SPTLC1: variants seen among roughly 807,000 people sequenced by gnomAD.
The protein encoded by SPTLC1 is serine palmitoyltransferase long chain base subunit 1, also known as serine palmitoyltransferase 1.
SPTLC1 carries 55 observed loss-of-function variants against 68.9 expected under a neutral mutation model. The ratio of observed to expected loss-of-function variants is 0.80; its 90% CI spans 0.64 to 1.00. The LOEUF (loss-of-function observed/expected upper bound fraction) is 1.00. Ranked by LOEUF, SPTLC1 falls within the 50% of genes least tolerant of loss-of-function variation. The probability of loss-of-function intolerance (pLI) is 0.00; values close to 1 mark genes in which losing one functional copy is unlikely to be tolerated. For synonymous variants in SPTLC1, 197 were observed against 201.6 expected (o/e 0.98, Z 0.19); for missense variants, 449 against 573.1 (o/e 0.78, Z 2.21).
At chr9:92,089,023 C>A (rs1042509526) in intron 3 of SPTLC1, among the ~76,000 whole-genome samples, 2 of 152,200 alleles carry the variant, frequency 1.3e-5, no homozygotes. Context: ...ACAAGACATG[C>A]AGAAGGGCCA....
chr9:92,066,503 G>A (rs567871176), intron 6 of SPTLC1, among the ~76,000 whole-genome samples: 1 of 152,228 alleles, frequency 6.6e-6, no homozygotes, highest in East Asian at 1.9e-4. Context: ...TGGGCCCCAA[G>A]GTGAGAGGAC....
chr9:92,115,209 G>A lies in SPTLC1; in HGVS notation c.57+105C>T. On this transcript the variant is annotated intron_variant, in intron 1 of 14. Transcript: ENST00000262554. ...AGCAAGAGGCACCGAGTCTGGGCGT[G>A]ACCGAGCCAGTCCCGCCGAGGTCTC... 9 of 1,162,186 alleles carry A rather than the reference G, an allele frequency of 7.7e-6. No individual in the cohort carries two copies. In the South Asian group the frequency reaches 9.8e-5, roughly 13 times the overall value. The allele number at this position is 1,162,186 out of a possible 1,614,324, so 72.0% of individuals were successfully genotyped here.
chr9:92,101,419 G>A (rs181516534), intron 3 of SPTLC1, among the ~76,000 whole-genome samples: 74 of 151,288 alleles, frequency 4.9e-4, no homozygotes, highest in Middle Eastern at 3.4e-3. Flanking sequence ...ACAATTAGCC[G>A]GGCGTGGTGG....
At chr9:92,069,425 A>G (rs1016652700) in intron 5 of SPTLC1, among the ~76,000 whole-genome samples, 14 of 152,202 alleles carry the variant, frequency 9.2e-5, no homozygotes, top group African/African-American at 3.4e-4. Context: ...ACCAACATTA[A>G]ATAAACGTAG....
rs1021428774 is a variant in SPTLC1, at chr9:92,108,978, A to T, written c.166-144T>A. ...CACTCTTATTCAAGCTTATGTCTTC[A>T]CACTATTAGTACGTCTTTGTTCGCA... On this transcript the variant is annotated intron_variant, in intron 2 of 14. Coordinates refer to ENST00000262554, the MANE Select transcript of SPTLC1 (RefSeq NM_006415.4). The T allele has an allele frequency of 5.5e-6, 7 of 1,283,464 alleles. No homozygotes were observed. In the African/African-American group the frequency reaches 1.0e-4, roughly 19 times the overall value. The allele number at this position is 1,283,464 out of a possible 1,614,324, so 79.5% of individuals were successfully genotyped here. A position where few individuals can be genotyped will look rare whatever the true frequency, so the allele number is the denominator to read the frequency against.
intron 3 of SPTLC1, among the ~76,000 whole-genome samples, chr9:92,087,031 G>C (rs1320958314): frequency 2.6e-5 from 4 of 151,766 alleles, no homozygotes; most frequent in Non-Finnish European, 4.4e-5. Context: ...CCAGTTGATC[G>C]CATCAGCTCC....
At chr9:92,066,452 A>T (rs938516519) in intron 6 of SPTLC1, among the ~76,000 whole-genome samples, 3 of 152,280 alleles carry the variant, frequency 2.0e-5, no homozygotes, top group African/African-American at 7.2e-5. Context: ...AAGTAGGAGA[A>T]GGGAGGAGGA....
At chr9:92,087,709 G>A (rs982644338) in intron 3 of SPTLC1, among the ~76,000 whole-genome samples, 2 of 152,218 alleles carry the variant, frequency 1.3e-5, no homozygotes, top group Non-Finnish European at 2.9e-5. Context: ...GGACCCACTT[G>A]AGGAGGCAGT....
At chr9:92,059,797 C>T (rs1217376513) in intron 6 of SPTLC1, among the ~76,000 whole-genome samples, 1 of 152,196 alleles carries the variant, frequency 6.6e-6, no homozygotes, top group Admixed American at 6.5e-5. Context: ...CCAGCCCCAT[C>T]TATGTCAGCA....
intron 3 of SPTLC1, among the ~76,000 whole-genome samples, chr9:92,103,912 G>T (rs552622568): frequency 2.2e-4 from 33 of 152,332 alleles, no homozygotes; most frequent in African/African-American, 7.5e-4. Flanking sequence ...AGCCCCACAG[G>T]GGGGCCCATC....
At chr9:92,072,247 C>T (rs552036870) in intron 5 of SPTLC1, among the ~76,000 whole-genome samples, 5 of 152,342 alleles carry the variant, frequency 3.3e-5, no homozygotes, top group South Asian at 2.1e-4. Flanking sequence ...GACCAGCCCC[C>T]GCGAACACTC....
intron 3 of SPTLC1, among the ~76,000 whole-genome samples, chr9:92,098,924 CGT>C (rs1189843354): frequency 6.6e-6 from 1 of 152,114 alleles, no homozygotes; most frequent in East Asian, 1.9e-4. Flanking sequence ...AGATAACTAA[CGT>C]GTGAACATTC....
At chr9:92,085,874 T>A (rs1374517936) in intron 3 of SPTLC1, among the ~76,000 whole-genome samples, 4 of 151,794 alleles carry the variant, frequency 2.6e-5, no homozygotes, top group Non-Finnish European at 1.5e-5. Flanking sequence ...TGTGTGGGAG[T>A]CTAAGTCTCT....
intron 7 of SPTLC1, 34 bp downstream of exon 7, chr9:92,059,145 A>G (rs749261207): frequency 6.2e-7 from 1 of 1,608,632 alleles, no homozygotes; most frequent in South Asian, 1.1e-5. Context: ...GAAAGTACAA[A>G]AGAACTGTAT....
chr9:92,090,863 ATCT>A (rs934094742), intron 3 of SPTLC1, among the ~76,000 whole-genome samples: 36 of 152,252 alleles, frequency 2.4e-4, no homozygotes, highest in African/African-American at 8.7e-4. Flanking sequence ...TTTTCTGCCC[ATCT>A]GCCTGACATC....
intron 4 of SPTLC1, among the ~76,000 whole-genome samples, chr9:92,080,523 C>G (rs1464245634): frequency 6.6e-6 from 1 of 152,210 alleles, no homozygotes; most frequent in Non-Finnish European, 1.5e-5. Context: ...TTGCATAGCG[C>G]TTTCCAATAC....
chr9:92,101,469 G>A (rs1361447105), intron 3 of SPTLC1, among the ~76,000 whole-genome samples: 2 of 148,554 alleles, frequency 1.3e-5, no homozygotes, highest in East Asian at 2.0e-4. Context: ...GGCTGAGGCA[G>A]GAGAATGGCG....
intron 9 of SPTLC1, among the ~76,000 whole-genome samples, chr9:92,048,247 T>C (rs1465405981): frequency 1.3e-5 from 2 of 152,194 alleles, no homozygotes; most frequent in Non-Finnish European, 2.9e-5. Flanking sequence ...AATGACCTAA[T>C]GGGCTTTGAG....
chr9:92,053,547 C>T (rs1833783757), intron 8 of SPTLC1, among the ~76,000 whole-genome samples: 1 of 152,094 alleles, frequency 6.6e-6, no homozygotes, highest in Non-Finnish European at 1.5e-5. Context: ...TAAAACAAAA[C>T]GTGGTATTAT....
Sources: allele counts gnomAD v4.1 joint callset (sites outside exome capture counted in the v4.1 genomes callset), GRCh38; gene constraint gnomAD v4.1.1; transcripts MANE v1.5; gene names NCBI Gene and HGNC (gene_info 2026-07-23, HGNC 2026-07-21).